STAG2: variants seen among roughly 807,000 people sequenced by gnomAD.
STAG2 encodes STAG2 cohesin complex component.
A neutral mutation model predicts 108.1 loss-of-function variants in STAG2; 14 were observed. The ratio of observed to expected loss-of-function variants is 0.13; its 90% confidence interval spans 0.09 to 0.20. The LOEUF is 0.20. Among genes scored for constraint, STAG2 ranks in the 10% least tolerant of loss-of-function variants. The pLI, the probability that STAG2 is intolerant of heterozygous loss-of-function variation, is 1.00. For synonymous variants in STAG2, 307 were observed against 302.7 expected (o/e 1.01, Z -0.15); for missense variants, 440 against 940.9 (o/e 0.47, Z 6.96).
intron 29 of STAG2, 145 bp downstream of exon 29, chrX:124,083,694 T>C: frequency 2.7e-6 from 1 of 374,171 alleles, no homozygotes; most frequent in Non-Finnish European, 4.4e-6. Flanking sequence ...AGCAACTTTA[T>C]AATTTAAGGA....
intron 6 of STAG2, among the ~76,000 whole-genome samples, chrX:124,039,140 A>ATTT (rs1196644072): frequency 1.4e-3 from 137 of 101,240 alleles, no homozygotes; most frequent in Non-Finnish European, 2.3e-3. Flanking sequence ...CCTTTTATTT[A>ATTT]TTATTATTAT....
At chrX:124,068,454 TAG>T in intron 23 of STAG2, 108 bp from the exon 24 acceptor site, 2 of 433,371 alleles carry the variant, frequency 4.6e-6, no homozygotes, top group Non-Finnish European at 7.6e-6. Flanking sequence ...AATGCAGAAG[TAG>T]AGTTAATAAA....
At chrX:124,031,391 G>A (rs1435008614) in intron 5 of STAG2, among the ~76,000 whole-genome samples, 1 of 105,921 alleles carries the variant, frequency 9.4e-6, no homozygotes, top group East Asian at 2.9e-4. Context: ...ACAGAGTCTC[G>A]CTCTGTTGCC....
chrX:124,061,850 C>T lies in STAG2; in HGVS notation c.1614C>T (p.Pro538=), dbSNP rs771910401. 2.6e-5 allele frequency: 31 copies of T among 1,189,887 alleles called. No individual in the cohort carries two copies. The highest frequency in any genetic ancestry group is 5.5e-5 in the African/African-American group (3 of 54,561). ...GACAAGCGGCTGAATGTCATCCTCC[C>T]GTGGGAAGAGGGACAGGAAAAAGGG... ...TIRQAAECHP[P]VGRGTGKRVL... Residue 538 remains proline, a synonymous_variant, in exon 17 of 35, where the codon CCC becomes CCT. Coordinates refer to ENST00000371145, the MANE Select transcript of STAG2 (RefSeq NM_001042750.2).
At chrX:124,029,253 G>A (rs987442783) in intron 4 of STAG2, among the ~76,000 whole-genome samples, 4 of 107,879 alleles carry the variant, frequency 3.7e-5, no homozygotes, top group African/African-American at 1.4e-4. Flanking sequence ...TCCTGACCTC[G>A]TGATCCGCCC....
intron 23 of STAG2, among the ~76,000 whole-genome samples, 156 bp from the exon 24 acceptor site, chrX:124,068,408 C>A (rs1374953612): frequency 1.8e-5 from 2 of 111,891 alleles, no homozygotes; most frequent in African/African-American, 6.5e-5. Context: ...TCTTTGTTTT[C>A]ATTTCTTATA....
At chrX:123,995,695 GA>G (rs202178109) in intron 1 of STAG2, among the ~76,000 whole-genome samples, 2,120 of 102,581 alleles carry the variant, frequency 0.021, 52 homozygotes, top group African/African-American at 0.07. Flanking sequence ...CTCTGTTTCA[GA>G]AAAAAAAAAG....
intron 24 of STAG2, 22 bp from the exon 25 acceptor site, chrX:124,071,127 T>C (rs2058653796): frequency 9.5e-7 from 1 of 1,051,953 alleles, no homozygotes; most frequent in East Asian, 3.4e-5. Flanking sequence ...CATGCTTTCC[T>C]CTTTTTTTTT....
Position 124,086,474 on chromosome X carries a change from G to A in STAG2, c.3054-73G>A, listed in dbSNP as rs975516214. On this transcript the variant is annotated intron_variant, in intron 29 of 34. Transcript: ENST00000371145. ...TTGAGTAGTGAAGTAATATGCCTAT[G>A]CTCGCACAACTATGAGTTAATATAA... The A allele has an allele frequency of 6.0e-6, 5 of 827,514 alleles. No homozygotes were observed. In the African/African-American group the frequency reaches 6.1e-5, roughly 10 times the overall value. The allele number at this position is 827,514 out of a possible 1,213,427, so 68.2% of individuals were successfully genotyped here.
chrX:124,001,732 AGTGT>A (rs1569498725), intron 1 of STAG2, among the ~76,000 whole-genome samples: 1 of 112,020 alleles, frequency 8.9e-6, no homozygotes, highest in Non-Finnish European at 1.9e-5. Flanking sequence ...CATGTAACCT[AGTGT>A]GTAGTAAGCC....
At chrX:124,036,827 G>A (rs2057532729) in intron 5 of STAG2, among the ~76,000 whole-genome samples, 1 of 110,957 alleles carries the variant, frequency 9.0e-6, no homozygotes, top group Non-Finnish European at 1.9e-5. Flanking sequence ...CCTTTAAAGT[G>A]CAAATTCAGA....
chrX:124,037,114 A>G (rs982134149), intron 5 of STAG2, among the ~76,000 whole-genome samples: 1 of 111,054 alleles, frequency 9.0e-6, no homozygotes, highest in East Asian at 2.8e-4. Context: ...TCGAACTCCT[A>G]ACTTCAAGTG....
intron 34 of STAG2, chrX:124,097,662 T>G: frequency 3.0e-6 from 1 of 334,934 alleles, no homozygotes; most frequent in Non-Finnish European, 5.9e-6. Context: ...TGATTTATTT[T>G]GATCCTCTCA....
Position 124,049,091 on chromosome X carries a change from A to T in STAG2, c.893+13A>T, listed in dbSNP as rs113251092. 1.7e-6 allele frequency: 2 copies of T among 1,148,118 alleles called. No individual in the cohort carries two copies. Among genetic ancestry groups the T allele is most frequent in the Non-Finnish European group, 2.4e-6 (2 of 843,998 alleles). 94.6% of individuals were successfully genotyped at this position (1,148,118 alleles called of 1,213,427 possible). A position where few individuals can be genotyped will look rare whatever the true frequency, so the allele number is the denominator to read the frequency against. ...TACATAGATACCGGTAAGTTGTGAC[A>T]GTTTTTTTCATAAATAGCATTATGT... On this transcript the variant is annotated intron_variant, in intron 10 of 34. Coordinates refer to ENST00000371145, the MANE Select transcript of STAG2 (RefSeq NM_001042750.2).
intron 13 of STAG2, among the ~76,000 whole-genome samples, chrX:124,051,685 G>A (rs2058044758): frequency 9.1e-6 from 1 of 109,921 alleles, no homozygotes; most frequent in Non-Finnish European, 1.9e-5. Context: ...CCACCTCCCA[G>A]GTTCACGCCA....
chrX:124,030,816 G>A (rs2057309173), intron 4 of STAG2, 145 bp from the exon 5 acceptor site: 5 of 575,375 alleles, frequency 8.7e-6, no homozygotes, highest in Non-Finnish European at 1.3e-5. Context: ...GGCTGTCACA[G>A]TTATATCATT....
chrX:124,036,407 CAG>C (rs2057517529), intron 5 of STAG2, among the ~76,000 whole-genome samples: 1 of 111,858 alleles, frequency 8.9e-6, no homozygotes. Flanking sequence ...TGTTTGGAGA[CAG>C]AGTCTTGCTC....
chrX:124,067,905 A>G (rs1170628565), intron 23 of STAG2, among the ~76,000 whole-genome samples: 1 of 110,406 alleles, frequency 9.1e-6, no homozygotes, highest in East Asian at 2.8e-4. Context: ...GATGGTATGC[A>G]CCTGTAATCT....
intron 34 of STAG2, among the ~76,000 whole-genome samples, chrX:124,096,984 G>A (rs988231841): frequency 3.6e-5 from 4 of 111,337 alleles, no homozygotes; most frequent in African/African-American, 1.3e-4. Context: ...CTTGAGACCA[G>A]CTTGGGCAAC....
Sources: allele counts gnomAD v4.1 joint callset (sites outside exome capture counted in the v4.1 genomes callset), GRCh38; gene constraint gnomAD v4.1.1; transcripts MANE v1.5; gene names NCBI Gene and HGNC (gene_info 2026-07-23, HGNC 2026-07-21).